The following ALPK1 variants were observed in gnomAD, a reference collection of about 807,000 sequenced individuals.
ALPK1 encodes the protein alpha kinase 1, also known as alpha-protein kinase 1.
A neutral mutation model predicts 120.6 loss-of-function variants in ALPK1; 110 were observed. The ratio of observed to expected loss-of-function variants is 0.91; its 90% CI spans 0.78 to 1.07. ALPK1 has a LOEUF of 1.07. ALPK1 is among the 50% of genes least tolerant of loss of function. ALPK1 has a pLI of 0.00. For synonymous variants in ALPK1, 582 were observed against 560.3 expected, an observed-to-expected ratio of 1.04 and a Z score of -0.55; for missense variants, 1,498 against 1,483.9, an observed-to-expected ratio of 1.01 and a Z score of -0.16.
At chr4:112,349,139 T>C (rs779065141) in intron 2 of ALPK1, among the ~76,000 whole-genome samples, 6 of 152,250 alleles carry the variant, frequency 3.9e-5, no homozygotes, top group African/African-American at 4.8e-5. Flanking sequence ...ACATTTCAAT[T>C]ATTGAACAGA....
chr4:112,423,906 C>G lies in ALPK1; in HGVS notation c.476-38C>G, dbSNP rs764333492. The G allele has an allele frequency of 1.5e-5, 24 of 1,609,394 alleles. 2 individuals are homozygous for G. In the Middle Eastern group the frequency reaches 3.6e-3, roughly 244 times the overall value. Reference sequence around the variant, plus strand: ...AACTTGTAATTGTTAAGTGCATGTTCAAAGCTAATTGTGTGGCATTTGGTT... The same window carrying G: ...AACTTGTAATTGTTAAGTGCATGTTGAAAGCTAATTGTGTGGCATTTGGTT... On this transcript the variant is annotated intron_variant, in intron 5 of 15. Transcript: ENST00000650871.
chr4:112,331,318 G>A (rs1373437228), intron 2 of ALPK1, among the ~76,000 whole-genome samples: 1 of 152,124 alleles, frequency 6.6e-6, no homozygotes, highest in Admixed American at 6.6e-5. Context: ...ACATTTACAT[G>A]GGGCACAAGT....
rs112143585 is a variant in ALPK1, at chr4:112,298,349, G to A, written c.-153+880G>A. Among the ~76,000 whole-genome samples, 571 of 151,958 alleles carry A rather than the reference G, an allele frequency of 3.8e-3. 6 individuals are homozygous for A. The highest frequency in any genetic ancestry group is 0.013 in the African/African-American group (539 of 41,430). ...AGAAACAATATCCATTTAATTTGGG[G>A]TATAATTTATGCACTTGGGATACAC... is the stretch of plus-strand genomic sequence containing the variant. On this transcript the variant is annotated intron_variant, in intron 1 of 15. Coordinates refer to ENST00000650871, the MANE Select transcript of ALPK1 (RefSeq NM_025144.4).
intron 2 of ALPK1, among the ~76,000 whole-genome samples, chr4:112,349,057 T>A (rs79797197): frequency 6.6e-6 from 1 of 151,400 alleles, no homozygotes; most frequent in Non-Finnish European, 1.5e-5. Flanking sequence ...CAGTTTTTGT[T>A]TTTTTTTTGT....
chr4:112,324,912 A>G (rs113785583), intron 2 of ALPK1, among the ~76,000 whole-genome samples: 1,934 of 142,820 alleles, frequency 0.014, 28 homozygotes, highest in African/African-American at 0.046. Context: ...TTCAATAAAT[A>G]TTTGTTGAAG....
At chr4:112,355,041 A>G (rs1730538616) in intron 2 of ALPK1, among the ~76,000 whole-genome samples, 1 of 152,208 alleles carries the variant, frequency 6.6e-6, no homozygotes, top group South Asian at 2.1e-4. Flanking sequence ...TTTCCAGACC[A>G]CAAACAGAGT....
At chr4:112,358,894 GCCT>G in intron 2 of ALPK1, 1 of 771,258 alleles carries the variant, frequency 1.3e-6, no homozygotes, top group East Asian at 2.4e-5. Flanking sequence ...ACCTGTCTTG[GCCT>G]CCTCTTTGCT....
At chr4:112,343,321 C>T (rs1481938704) in intron 2 of ALPK1, 3 of 152,114 alleles carry the variant, frequency 2.0e-5, no homozygotes, top group Non-Finnish European at 4.4e-5. Context: ...TTGGTGAAAT[C>T]AGTAAATGCC....
chr4:112,321,433 C>A (rs114148221), intron 2 of ALPK1, among the ~76,000 whole-genome samples: 32 of 152,112 alleles, frequency 2.1e-4, no homozygotes, highest in African/African-American at 7.7e-4. Context: ...TGAAGTATGA[C>A]CTTAGATTGT....
chr4:112,338,678 T>C (rs1004039817), intron 2 of ALPK1, among the ~76,000 whole-genome samples: 1 of 152,232 alleles, frequency 6.6e-6, no homozygotes, highest in Admixed American at 6.5e-5. Flanking sequence ...TTTCAGAGTA[T>C]GTTTTACCTT....
At chr4:112,371,704 A>G (rs1312177875) in intron 2 of ALPK1, among the ~76,000 whole-genome samples, 1 of 152,240 alleles carries the variant, frequency 6.6e-6, no homozygotes, top group African/African-American at 2.4e-5. Context: ...CTTGTGCATC[A>G]GGAATTGGTG....
intron 5 of ALPK1, among the ~76,000 whole-genome samples, chr4:112,420,166 G>T (rs1481397678): frequency 6.6e-6 from 1 of 152,210 alleles, no homozygotes; most frequent in African/African-American, 2.4e-5. Flanking sequence ...CTGTCTCAGA[G>T]TTCACACTCT....
At chr4:112,425,782 G>C (rs560437040) in intron 7 of ALPK1, 31 bp downstream of exon 7, 2 of 1,568,596 alleles carry the variant, frequency 1.3e-6, no homozygotes, top group African/African-American at 2.7e-5. Flanking sequence ...CATTTCTCAA[G>C]GCTCATTTAC....
At chr4:112,336,119 T>TA (rs1265204236) in intron 2 of ALPK1, among the ~76,000 whole-genome samples, 1 of 152,238 alleles carries the variant, frequency 6.6e-6, no homozygotes, top group Non-Finnish European at 1.5e-5. Flanking sequence ...GTCTGGCACA[T>TA]AGTAGGTACC....
At chr4:112,373,075 C>T (rs1345213615) in intron 2 of ALPK1, among the ~76,000 whole-genome samples, 3 of 152,246 alleles carry the variant, frequency 2.0e-5, no homozygotes, top group Admixed American at 6.5e-5. Flanking sequence ...GAGTCTCCAA[C>T]TTATCTGCAG....
At chr4:112,358,828 C>A in intron 2 of ALPK1, 1 of 814,262 alleles carries the variant, frequency 1.2e-6, no homozygotes, top group Non-Finnish European at 2.2e-6. Flanking sequence ...AACTTTGCCA[C>A]CTTCACCCAG....
At position 112,432,572 on chromosome 4, in the gene ALPK1, C is replaced by G. The variant is rs180741351; in HGVS notation, c.3025C>G (p.Arg1009Gly). 469 of 1,611,886 alleles carry G rather than the reference C, an allele frequency of 2.9e-4. 6 individuals are homozygous for G. In the East Asian group the frequency reaches 0.01, roughly 35 times the overall value. ...GGTTTTTAAGCCCAGTCAACTCCAC[C>G]GAGCACATAGTAAGTACAATCTTTT... ...TGVFKPSQLH[R>G]AHSALLLKYS... Residue 1009 changes from arginine (R) to glycine (G), a missense_variant, in exon 11 of 16, where the codon CGA (arginine) becomes GGA (glycine). Physicochemically the swap from Arg to Gly is moderately radical, Grantham distance 125 (BLOSUM62 -2). Transcript: ENST00000650871.
intron 2 of ALPK1, chr4:112,356,663 G>C: frequency 1.1e-6 from 1 of 879,760 alleles, no homozygotes; most frequent in Middle Eastern, 2.2e-4. Context: ...CAACAATGTA[G>C]AAGAGAAAAG....
At chr4:112,435,011 AT>A in intron 11 of ALPK1, 136 bp from the exon 12 acceptor site, 2 of 801,138 alleles carry the variant, frequency 2.5e-6, no homozygotes, top group Non-Finnish European at 4.0e-6. Flanking sequence ...CATAGAAGAG[AT>A]GAAAATTAGA....
Sources: gnomAD v4.1 joint callset for allele counts (sites outside exome capture counted in the v4.1 genomes callset) on GRCh38, gnomAD v4.1.1 for gene constraint, MANE v1.5 for transcripts, NCBI Gene and HGNC (gene_info 2026-07-23, HGNC 2026-07-21) for gene names.